LAMA5: variants seen among roughly 807,000 people sequenced by gnomAD.
The protein encoded by LAMA5 is laminin subunit alpha-5.
In LAMA5, 260 loss-of-function variants were observed where a neutral mutation model predicts 433.4. The observed-to-expected ratio is 0.60, with a 90% CI of 0.54 to 0.66. The LOEUF (loss-of-function observed/expected upper bound fraction) is 0.66, where lower values mean the gene tolerates loss of function less well. Ranked by LOEUF, LAMA5 falls within the 30% of genes least tolerant of loss-of-function variation. LAMA5 has a pLI of 0.00. For synonymous variants in LAMA5, 2,620 were observed against 2,226.6 expected (o/e 1.18, Z -4.97); for missense variants, 5,378 against 5,258.5 (o/e 1.02, Z -0.70).
chr20:62,362,282 C>T lies in LAMA5; in HGVS notation c.450+118G>A. On this transcript the variant is annotated intron_variant, in intron 2 of 79. Transcript: ENST00000252999. ...CACCAAGTCCTTCGTGTCCAGCCTC[C>T]CAGGCCCCAGGTCTCGCTCACGGTG... 4 of 1,067,560 alleles carry T rather than the reference C, an allele frequency of 3.7e-6. No individual in the cohort carries two copies. The South Asian group carries it at 8.8e-5, about 23-fold the overall frequency. The allele number at this position is 1,067,560 out of a possible 1,614,324, so 66.1% of individuals were successfully genotyped here. A position where few individuals can be genotyped will look rare whatever the true frequency, so the allele number is the denominator to read the frequency against.
In LAMA5 at chr20:62,330,241, G is replaced by A. The variant is rs148505235; in HGVS notation, c.3979+247C>T. 5.3e-5 allele frequency among the ~76,000 whole-genome samples: 8 copies of A among 152,364 alleles called. No individual in the cohort carries two copies. In the East Asian group the frequency reaches 9.6e-4, roughly 18 times the overall value. ...GCATCCTGGGGCAAGCCCTCAATTC[G>A]CCACGTGCCATGGAGCACAACGGGG... On this transcript the variant is annotated intron_variant, in intron 31 of 79. Coordinates refer to ENST00000252999, the MANE Select transcript of LAMA5 (RefSeq NM_005560.6).
chr20:62,323,275 G>A (rs775074243), intron 45 of LAMA5, among the ~76,000 whole-genome samples, 181 bp downstream of exon 45: 4 of 91,782 alleles, frequency 4.4e-5, no homozygotes, highest in East Asian at 3.0e-4. Context: ...TCGCTGGGGC[G>A]GGAGGACCGG....
chr20:62,331,670 G>A (rs1980487149), intron 28 of LAMA5, among the ~76,000 whole-genome samples: 1 of 152,238 alleles, frequency 6.6e-6, no homozygotes, highest in African/African-American at 2.4e-5. Flanking sequence ...GTGCGGCCAT[G>A]TGAGGTTGGT....
In LAMA5 at chr20:62,346,930, C is replaced by T. The variant is rs372095352; in HGVS notation, c.1055G>A (p.Ser352Asn). The change falls in exon 7 of 80, where the codon AGT becomes AAT. Residue 352 changes from serine to asparagine, a missense_variant. Ser to Asn is a conservative substitution (Grantham distance 46). Coordinates refer to ENST00000252999, the MANE Select transcript of LAMA5 (RefSeq NM_005560.6). Reference sequence around the variant, plus strand: ...GCACTCACACTGGCACTCGTTGGCACTGTTGGCAGTCGCAGGCTTCCACGG... The same window carrying T: ...GCACTCACACTGGCACTCGTTGGCATTGTTGGCAGTCGCAGGCTTCCACGG... ...QQPWKPATAN[S>N]ANECQSCNCY... 1.2e-6 allele frequency: 2 copies of T among 1,612,974 alleles called. No homozygotes were observed. The highest frequency in any genetic ancestry group is 1.7e-6 in the Non-Finnish European group (2 of 1,179,922).
rs1364681677 is a variant in LAMA5 at position 62,322,004 on chromosome 20, G to A, written c.6496+15C>T. 1.3e-6 allele frequency: 2 copies of A among 1,596,148 alleles called. No individual in the cohort carries two copies. Among genetic ancestry groups the A allele is most frequent in the Non-Finnish European group, 1.7e-6 (2 of 1,177,512 alleles). On this transcript the variant is annotated intron_variant, in intron 48 of 79. Transcript: ENST00000252999. ...ACTCCATCAGGTGTGGGGAAGTGGGGTGTTGAGGACACACCTTCACAGTGG... is the reference window on the plus strand; with the variant it reads ...ACTCCATCAGGTGTGGGGAAGTGGGATGTTGAGGACACACCTTCACAGTGG...
chr20:62,322,676 C>T lies in LAMA5; in HGVS notation c.6147G>A (p.Arg2049=). 6.5e-7 allele frequency: 1 copy of T among 1,544,248 alleles called. No homozygotes were observed. ...GCCCTACCTGGCAGCGGTCACAGCGCCGCCCAGTCACGCCCGCCTTGCACA... is the reference window on the plus strand; with the variant it reads ...GCCCTACCTGGCAGCGGTCACAGCGTCGCCCAGTCACGCCCGCCTTGCACA... The part of the protein sequence containing the change: ...HCLCKAGVTG[R]RCDRCQEGHF... The change falls in exon 46 of 80, where the codon CGG becomes CGA. Residue 2049 remains arginine, a synonymous_variant. Coordinates refer to ENST00000252999, the MANE Select transcript of LAMA5 (RefSeq NM_005560.6).
intron 2 of LAMA5, chr20:62,356,276 ATC>A (rs1985214300): frequency 1.3e-5 from 2 of 152,368 alleles, no homozygotes; most frequent in Admixed American, 1.3e-4. Flanking sequence ...GAGGACTCCC[ATC>A]TGTCTCTGAC....
chr20:62,330,993 C>T, intron 29 of LAMA5, 39 bp downstream of exon 29: 1 of 1,572,286 alleles, frequency 6.4e-7, no homozygotes, highest in Non-Finnish European at 8.6e-7. Context: ...CCGCCGGGCC[C>T]TCGGCCGCGC....
In LAMA5 at chr20:62,337,801, C is replaced by G. The variant is rs552159306; in HGVS notation, c.2026+3G>C. ...CCCCACCACTTCCTCCCTAGGCACTCACGGACACAGCTGGGGAAGCCGTGA... is the reference window on the plus strand; with the variant it reads ...CCCCACCACTTCCTCCCTAGGCACTGACGGACACAGCTGGGGAAGCCGTGA... On this transcript the variant is annotated splice_donor_region_variant and intron_variant, in intron 15 of 79. Transcript: ENST00000252999. The G allele has an allele frequency of 6.2e-7, 1 of 1,612,216 alleles. No homozygotes were observed. Among genetic ancestry groups the G allele is most frequent in the African/African-American group, 1.3e-5 (1 of 75,052 alleles).
At chr20:62,331,323 G>A (rs1980414830) in intron 28 of LAMA5, among the ~76,000 whole-genome samples, 194 bp from the exon 29 acceptor site, 1 of 135,402 alleles carries the variant, frequency 7.4e-6, no homozygotes, top group East Asian at 2.2e-4. Context: ...GGGTGCAGGC[G>A]GTACGATGGG....
chr20:62,324,321 T>G lies in LAMA5; in HGVS notation c.5644-117A>C. 1.4e-6 allele frequency: 2 copies of G among 1,450,476 alleles called. No homozygotes were observed. Among genetic ancestry groups the G allele is most frequent in the Non-Finnish European group, 1.9e-6 (2 of 1,062,094 alleles). 89.9% of individuals were successfully genotyped at this position (1,450,476 alleles called of 1,614,324 possible). On this transcript the variant is annotated intron_variant, in intron 42 of 79. Coordinates refer to ENST00000252999, the MANE Select transcript of LAMA5 (RefSeq NM_005560.6). This position sits in a 1 kb window ranked among gnomAD's most constrained non-coding sequence, Gnocchi z 4.4. ...TGCCCAAGGCCAGATGGTCCCCCAC[T>G]GGGCAACACCCTTCCCCAGACCTCA...
chr20:62,314,090 C>T (rs565945374), intron 62 of LAMA5, among the ~76,000 whole-genome samples: 1 of 4,686 alleles, frequency 2.1e-4, no homozygotes, highest in African/African-American at 4.5e-4. Context: ...CGAGGGGTGG[C>T]GAGTGGGCAC....
chr20:62,357,160 G>A (rs959578887), intron 2 of LAMA5, among the ~76,000 whole-genome samples: 4 of 152,178 alleles, frequency 2.6e-5, no homozygotes, highest in Non-Finnish European at 5.9e-5. Context: ...GCTCTGCCCT[G>A]ACCCATCTTG....
At chr20:62,329,389 C>A (rs1441324130) in intron 32 of LAMA5, 136 bp from the exon 33 acceptor site, 1 of 530,876 alleles carries the variant, frequency 1.9e-6, no homozygotes, top group Non-Finnish European at 3.2e-6. Context: ...CCCAGCCCAG[C>A]CCTGGGCCCT....
At chr20:62,319,961 T>C (rs1003031197) in intron 50 of LAMA5, among the ~76,000 whole-genome samples, 166 bp from the exon 51 acceptor site, 5 of 152,198 alleles carry the variant, frequency 3.3e-5, no homozygotes, top group Non-Finnish European at 7.3e-5. Context: ...GTTAGTTACC[T>C]AAAATTATTG....
rs148213286 is a variant in LAMA5 at position 62,363,810 on chromosome 20, C to A, written c.298-1258G>T. ...CCAGGCCCAGCACCTACAGAGGGCC[C>A]AACCCCCTCGCCCAGAGTGTGCCCT... On this transcript the variant is annotated intron_variant, in intron 1 of 79. Transcript: ENST00000252999. 8.4e-3 allele frequency among the ~76,000 whole-genome samples: 1,272 copies of A among 152,156 alleles called. 8 individuals are homozygous for A. Among genetic ancestry groups the A allele is most frequent in the Non-Finnish European group, 0.013 (890 of 67,954 alleles).
chr20:62,322,620 G>GGGGGGCCC, intron 46 of LAMA5, 38 bp downstream of exon 46: 3 of 1,398,990 alleles, frequency 2.1e-6, no homozygotes, highest in Non-Finnish European at 2.9e-6. Context: ...TAGTCCCTAG[G>GGGGGGCCC]CCCCACCCAC....
intron 6 of LAMA5, among the ~76,000 whole-genome samples, chr20:62,350,462 G>A (rs146567720): frequency 2.5e-4 from 38 of 152,258 alleles, no homozygotes; most frequent in African/African-American, 8.7e-4. Context: ...GCCTCTGCTC[G>A]GCACTGGCCG....
chr20:62,314,238 G>A (rs1986684245), intron 62 of LAMA5, 66 bp downstream of exon 62: 3 of 1,557,844 alleles, frequency 1.9e-6, no homozygotes, highest in Non-Finnish European at 1.7e-6. Context: ...ACGGAGAGGG[G>A]AGAGATGGCG....
Sources: allele counts gnomAD v4.1 joint callset (sites outside exome capture counted in the v4.1 genomes callset), GRCh38; gene constraint gnomAD v4.1.1; non-coding constraint Gnocchi (gnomAD v3.1); transcripts MANE v1.5; gene names NCBI Gene and HGNC (gene_info 2026-07-23, HGNC 2026-07-21).